Variants in ENTREP2 observed in about 807,000 individuals in gnomAD.
ENTREP2 encodes the protein endosomal transmembrane epsin interactor 2.
At chr15:29,473,810 C>CA in the ENTREP2 span, among the ~76,000 whole-genome samples, 3 of 152,242 alleles carry the variant, frequency 2.0e-5, no homozygotes, top group African/African-American at 7.2e-5. Context: ...GCCGCAGCCA[C>CA]GGCCCCATCT....
chr15:29,654,998 C>G, the ENTREP2 span, among the ~76,000 whole-genome samples: 3 of 152,180 alleles, frequency 2.0e-5, no homozygotes, highest in African/African-American at 7.2e-5. Flanking sequence ...ATCTCTGTTT[C>G]TATTCACTGC....
the ENTREP2 span, among the ~76,000 whole-genome samples, chr15:29,224,018 A>C: frequency 2.6e-5 from 4 of 152,194 alleles, no homozygotes. Context: ...TCTTGGTCGC[A>C]CTGACTTCCA....
At chr15:29,208,493 CTG>C in the ENTREP2 span, among the ~76,000 whole-genome samples, 1 of 152,172 alleles carries the variant, frequency 6.6e-6, no homozygotes, top group African/African-American at 2.4e-5. Context: ...GCAATTCTCT[CTG>C]TGCTTCTGCA....
chr15:29,258,414 T>C, the ENTREP2 span, among the ~76,000 whole-genome samples: 1 of 151,686 alleles, frequency 6.6e-6, no homozygotes, highest in African/African-American at 2.4e-5. Flanking sequence ...GAGACTACCC[T>C]GAGACTTAGT....
chr15:29,666,727 A>G, the ENTREP2 span, among the ~76,000 whole-genome samples: 3 of 152,178 alleles, frequency 2.0e-5, no homozygotes, highest in Non-Finnish European at 4.4e-5. Flanking sequence ...TCCCTGAGTT[A>G]TCAGTTCCTG....
chr15:29,141,492 C>T, the ENTREP2 span, among the ~76,000 whole-genome samples: 1,087 of 152,282 alleles, frequency 7.1e-3, 18 homozygotes, highest in African/African-American at 0.025. Flanking sequence ...GGTCTGTGGA[C>T]AAGGGCCGGG....
At chr15:29,343,027 T>TGGGGA in the ENTREP2 span, among the ~76,000 whole-genome samples, 10 of 130,886 alleles carry the variant, frequency 7.6e-5, no homozygotes, top group Admixed American at 1.6e-4. Flanking sequence ...TAAAAAGGAA[T>TGGGGA]GGGGGGGGTG....
chr15:29,514,417 C>CGTAT, the ENTREP2 span, among the ~76,000 whole-genome samples: 1 of 152,194 alleles, frequency 6.6e-6, no homozygotes, highest in African/African-American at 2.4e-5. Flanking sequence ...AGCAATCTTC[C>CGTAT]ACTGTGTATA....
At chr15:29,502,159 C>A in the ENTREP2 span, among the ~76,000 whole-genome samples, 2 of 151,756 alleles carry the variant, frequency 1.3e-5, no homozygotes, top group Non-Finnish European at 2.9e-5. Context: ...GAAACCCAGA[C>A]AAGTCAAAAC....
At chr15:29,174,918 G>T in the ENTREP2 span, among the ~76,000 whole-genome samples, 2 of 152,114 alleles carry the variant, frequency 1.3e-5, no homozygotes, top group Non-Finnish European at 2.9e-5. Flanking sequence ...TAAGCACATA[G>T]GTAATGCATG....
the ENTREP2 span, among the ~76,000 whole-genome samples, chr15:29,579,609 T>C: frequency 0.16 from 23,494 of 145,132 alleles, 2,726 homozygotes; most frequent in East Asian, 0.48. Flanking sequence ...CATCTCCACC[T>C]CCTGGATTCA....
At chr15:29,327,789 T>G in the ENTREP2 span, among the ~76,000 whole-genome samples, 1,007 of 152,314 alleles carry the variant, frequency 6.6e-3, 25 homozygotes, top group Admixed American at 0.041. Flanking sequence ...TGTTGTCAGT[T>G]GCTGATGAGG....
chr15:29,477,579 G>A, the ENTREP2 span, among the ~76,000 whole-genome samples: 1 of 152,216 alleles, frequency 6.6e-6, no homozygotes, highest in East Asian at 1.9e-4. Context: ...CACCAAACCT[G>A]GCCATCAGTG....
the ENTREP2 span, among the ~76,000 whole-genome samples, chr15:29,549,555 C>T: frequency 2.0e-5 from 3 of 152,192 alleles, no homozygotes; most frequent in Non-Finnish European, 4.4e-5. Context: ...CAGGCATGAG[C>T]CACTGTGCCC....
At chr15:29,174,203 C>T in the ENTREP2 span, among the ~76,000 whole-genome samples, 1,502 of 152,290 alleles carry the variant, frequency 9.9e-3, 23 homozygotes, top group African/African-American at 0.035. Flanking sequence ...GATGGGAGAC[C>T]CCCTGGGTCA....
At chr15:29,474,106 G>A in the ENTREP2 span, among the ~76,000 whole-genome samples, 16 of 152,174 alleles carry the variant, frequency 1.1e-4, no homozygotes, top group Admixed American at 6.5e-4. Context: ...GGCTTGCGAC[G>A]GTTACTAGGA....
At chr15:29,336,242 C>A in the ENTREP2 span, among the ~76,000 whole-genome samples, 1 of 151,890 alleles carries the variant, frequency 6.6e-6, no homozygotes, top group Non-Finnish European at 1.5e-5. Context: ...TAATTGGATG[C>A]GTGGCCTCTG....
chr15:29,237,533 T>A, the ENTREP2 span, among the ~76,000 whole-genome samples: 2 of 152,214 alleles, frequency 1.3e-5, no homozygotes, highest in African/African-American at 4.8e-5. Context: ...TTCACTGTTT[T>A]GCCTATGATT....
At chr15:29,121,302 G>T in the ENTREP2 span, 9 of 152,436 alleles carry the variant, frequency 5.9e-5, 1 homozygote, top group East Asian at 1.7e-3. Flanking sequence ...TGCATGAGGA[G>T]AACACCCCAG....
Sources: allele counts gnomAD v4.1 joint callset (sites outside exome capture counted in the v4.1 genomes callset), GRCh38; gene constraint gnomAD v4.1.1; transcripts MANE v1.5; gene names NCBI Gene and HGNC (gene_info 2026-07-23, HGNC 2026-07-21).